EBF4: variants seen among roughly 807,000 people sequenced by gnomAD.
The protein encoded by EBF4 is transcription factor COE4.
A neutral mutation model predicts 67.1 loss-of-function variants in EBF4; 34 were observed. The ratio of observed to expected loss-of-function variants is 0.51; its 90% CI spans 0.39 to 0.67. The LOEUF is 0.67. Among genes scored for constraint, EBF4 ranks in the 30% least tolerant of loss-of-function variants. The probability of loss-of-function intolerance (pLI) is 0.00; values close to 1 mark genes in which losing one functional copy is unlikely to be tolerated. For synonymous variants in EBF4, 387 were observed against 377.7 expected (o/e 1.02, Z -0.29); for missense variants, 837 against 873.3 (o/e 0.96, Z 0.52).
At chr20:2,731,003 A>G (rs1409990228) in intron 6 of EBF4, among the ~76,000 whole-genome samples, 5 of 152,114 alleles carry the variant, frequency 3.3e-5, no homozygotes, top group African/African-American at 1.2e-4. Flanking sequence ...GGTTCAAGCA[A>G]TTCTCCTGCC....
chr20:2,749,971 C>T, exon 10 of EBF4: 1 of 1,549,778 alleles, frequency 6.5e-7, no homozygotes, highest in Non-Finnish European at 8.7e-7. Context: ...TTTGTCTACA[C>T]AGGTAAGGAG....
chr20:2,757,219 A>G (rs2088258648), intron 15 of EBF4, among the ~76,000 whole-genome samples: 1 of 152,160 alleles, frequency 6.6e-6, no homozygotes, highest in Non-Finnish European at 1.5e-5. Flanking sequence ...TGGAAAGAGG[A>G]TGGGAAAGCT....
Position 2,751,558 on chromosome 20 carries a change from G to T in EBF4, c.1019-142G>T. ...TGCCGGGGGTGCCTGGAGTTTTCCGGGGGACTTGGGCTGGGCCTGGTGGAG... is the reference window on the plus strand; with the variant it reads ...TGCCGGGGGTGCCTGGAGTTTTCCGTGGGACTTGGGCTGGGCCTGGTGGAG... On this transcript the variant is annotated intron_variant, in intron 10 of 16. Coordinates refer to ENST00000609451, the Ensembl canonical transcript of EBF4. This position sits in a 1 kb window ranked among gnomAD's most constrained non-coding sequence, Gnocchi z 5.2. 1 of 775,706 alleles carries T rather than the reference G, an allele frequency of 1.3e-6. No homozygotes were observed. The highest frequency in any genetic ancestry group is 2.1e-6 in the Non-Finnish European group (1 of 483,926). The allele number at this position is 775,706 out of a possible 1,614,324, so 48.1% of individuals were successfully genotyped here. A position where few individuals can be genotyped will look rare whatever the true frequency, so the allele number is the denominator to read the frequency against.
In EBF4 at chr20:2,695,687, A is replaced by G. The variant is rs536921477; in HGVS notation, c.137+1905A>G. ...TCCCCGTGTTGTCTGTCATCACTAC[A>G]GTTGTATCTGGTTCCTCAGTCAGTC... On this transcript the variant is annotated intron_variant, in intron 1 of 16. Transcript: ENST00000609451. 5.9e-5 allele frequency among the ~76,000 whole-genome samples: 9 copies of G among 152,264 alleles called. No individual in the cohort carries two copies. The East Asian group carries it at 1.5e-3, about 26-fold the overall frequency.
rs1489992805 is a variant in EBF4 at position 2,693,618 on chromosome 20, C to T, written c.-28C>T. The T allele has an allele frequency of 5.1e-6, 7 of 1,363,790 alleles. No individual in the cohort carries two copies. In the East Asian group the frequency reaches 9.2e-5, roughly 18 times the overall value. The allele number at this position is 1,363,790 out of a possible 1,614,324, so 84.5% of individuals were successfully genotyped here. On this transcript the variant is annotated 5_prime_UTR_variant, in exon 1 of 17. Coordinates refer to ENST00000609451, the Ensembl canonical transcript of EBF4. This position sits in a 1 kb window ranked among gnomAD's most constrained non-coding sequence, Gnocchi z 4.6. ...CTCAGCGGGACCGGATCCGGGGCGG[C>T]GGGGGCGCTCACTCACCGCGCGCCC... is the stretch of plus-strand genomic sequence containing the variant.
At chr20:2,749,436 C>G in exon 8 of EBF4, 1 of 1,547,328 alleles carries the variant, frequency 6.5e-7, no homozygotes, top group Non-Finnish European at 8.7e-7. Context: ...TGGACGGACA[C>G]GTGCTGGCCG....
Position 2,748,624 on chromosome 20 carries a change from C to CT in EBF4, c.635dup (p.Gln213ProfsTer135), listed in dbSNP as rs1201280163. 1 of 1,551,574 alleles carries CT rather than the reference C, an allele frequency of 6.4e-7. No individual in the cohort carries two copies. The highest frequency in any genetic ancestry group is 1.2e-5 in the South Asian group (1 of 84,056). On this transcript the variant is annotated frameshift_variant, in exon 7 of 17. Coordinates refer to ENST00000609451, the Ensembl canonical transcript of EBF4. LOFTEE classifies it high-confidence loss of function. ...CGGGGAATCCCAGAGACATGCGCCGCTTCCAGGTGGGTCTGGAGAGAGGGT... is the reference window on the plus strand; with the variant it reads ...CGGGGAATCCCAGAGACATGCGCCGCTTTCCAGGTGGGTCTGGAGAGAGGGT...
chr20:2,697,330 G>A (rs546436929), intron 1 of EBF4, among the ~76,000 whole-genome samples: 1 of 152,228 alleles, frequency 6.6e-6, no homozygotes, highest in Non-Finnish European at 1.5e-5. Flanking sequence ...CAGATCACGA[G>A]GTCAGGAGAT....
At chr20:2,719,255 G>C (rs923278930) in intron 6 of EBF4, among the ~76,000 whole-genome samples, 3 of 151,790 alleles carry the variant, frequency 2.0e-5, no homozygotes, top group African/African-American at 7.3e-5. Flanking sequence ...ACCATACCCA[G>C]CTAATTTTTG....
chr20:2,714,552 A>G lies in EBF4; in HGVS notation c.557+4910A>G, dbSNP rs551370118. On this transcript the variant is annotated intron_variant, in intron 6 of 16. Transcript: ENST00000609451. ...TTTTTTGTAGAGATGGGGTTTTGCCATGTTGCCCAGGCTGGTCTCGAGCTC... is the reference window on the plus strand; with the variant it reads ...TTTTTTGTAGAGATGGGGTTTTGCCGTGTTGCCCAGGCTGGTCTCGAGCTC... Among the ~76,000 whole-genome samples the G allele has an allele frequency of 7.8e-4, 118 of 152,052 alleles. 1 individual carries two copies. Among genetic ancestry groups the G allele is most frequent in the Admixed American group, 1.0e-3 (16 of 15,284 alleles).
At chr20:2,705,698 C>A (rs1314768853) in exon 2 of EBF4, 1 of 1,551,456 alleles carries the variant, frequency 6.4e-7, no homozygotes, top group South Asian at 1.2e-5. Flanking sequence ...GGAGGTGGAG[C>A]GCACAGCCTT....
At chr20:2,699,245 A>G (rs979727921) in intron 1 of EBF4, among the ~76,000 whole-genome samples, 1 of 152,194 alleles carries the variant, frequency 6.6e-6, no homozygotes, top group African/African-American at 2.4e-5. Context: ...AGCACAGTCC[A>G]CCTGAATGAC....
rs1600251898 is a variant in EBF4, at chr20:2,758,999, G to A, written c.*5+15G>A. The A allele has an allele frequency of 6.4e-7, 1 of 1,551,226 alleles. No individual in the cohort carries two copies. Among genetic ancestry groups the A allele is most frequent in the East Asian group, 2.4e-5 (1 of 40,916 alleles). On this transcript the variant is annotated intron_variant, in intron 16 of 16. Transcript: ENST00000609451. Reference sequence around the variant, plus strand: ...TCCTAATTACGGTAGGTCTCTGGCTGGGTCTGGCCTCCCCCGCCCCACCTG... The same window carrying A: ...TCCTAATTACGGTAGGTCTCTGGCTAGGTCTGGCCTCCCCCGCCCCACCTG...
chr20:2,728,605 C>G (rs572740512), intron 6 of EBF4, among the ~76,000 whole-genome samples: 26 of 152,192 alleles, frequency 1.7e-4, no homozygotes, highest in African/African-American at 6.0e-4. Context: ...TGGTGAATAA[C>G]CCTGGCTTTC....
rs894644723 is a variant in EBF4, at chr20:2,739,138, C to T, written c.558-9411C>T. On this transcript the variant is annotated intron_variant, in intron 6 of 16. Coordinates refer to ENST00000609451, the Ensembl canonical transcript of EBF4. This position sits in a 1 kb window ranked among gnomAD's most constrained non-coding sequence, Gnocchi z 4.5. ...TTACAGTAAGCTCCTCATTTCCCTTCCCTTCTCTAGCGTAGGCCCTTTGGT... is the reference window on the plus strand; with the variant it reads ...TTACAGTAAGCTCCTCATTTCCCTTTCCTTCTCTAGCGTAGGCCCTTTGGT... Among the ~76,000 whole-genome samples, 2 of 152,190 alleles carry T rather than the reference C, an allele frequency of 1.3e-5. No individual in the cohort carries two copies. Among genetic ancestry groups the T allele is most frequent in the Non-Finnish European group, 2.9e-5 (2 of 68,042 alleles).
At chr20:2,710,543 A>G (rs1220099491) in intron 6 of EBF4, among the ~76,000 whole-genome samples, 2 of 149,552 alleles carry the variant, frequency 1.3e-5, no homozygotes, top group East Asian at 4.0e-4. Context: ...CTCCACCCCT[A>G]TGTAGAGCAT....
intron 1 of EBF4, among the ~76,000 whole-genome samples, chr20:2,702,704 A>C (rs1021586850): frequency 1.3e-5 from 2 of 152,200 alleles, no homozygotes; most frequent in African/African-American, 4.8e-5. Context: ...TATATGAAGA[A>C]AAATAGTAAG....
At chr20:2,737,305 C>G (rs998149883) in intron 6 of EBF4, among the ~76,000 whole-genome samples, 1 of 151,320 alleles carries the variant, frequency 6.6e-6, no homozygotes, top group African/African-American at 2.4e-5. Flanking sequence ...GGACCGCAGG[C>G]ATGAGGCAGC....
chr20:2,703,906 A>T (rs1250813578), intron 1 of EBF4, among the ~76,000 whole-genome samples: 1 of 152,044 alleles, frequency 6.6e-6, no homozygotes, highest in Non-Finnish European at 1.5e-5. Context: ...AGGCGGGTGG[A>T]TCTGCTTCCA....
Sources: gnomAD v4.1 joint callset for allele counts (sites outside exome capture counted in the v4.1 genomes callset) on GRCh38, gnomAD v4.1.1 for gene constraint, Gnocchi (gnomAD v3.1) non-coding constraint, MANE v1.5 for transcripts, NCBI Gene and HGNC (gene_info 2026-07-23, HGNC 2026-07-21) for gene names.